Variants in TRMT2B observed in about 807,000 individuals in gnomAD.
The protein encoded by TRMT2B is tRNA (uracil-5-)-methyltransferase homolog B.
In TRMT2B, 34 loss-of-function variants were observed where a neutral mutation model predicts 39.7. The ratio of observed to expected loss-of-function variants is 0.86; its 90% CI spans 0.65 to 1.14. The LOEUF is 1.14. TRMT2B is among the 50% of genes most tolerant of loss of function. The pLI is 0.00. For missense variants in TRMT2B, 318 were observed against 377.2 expected (o/e 0.84, Z 1.30); for synonymous variants, 132 against 137.3 (o/e 0.96, Z 0.27).
At chrX:100,985,286 C>T in the TRMT2B span, among the ~76,000 whole-genome samples, 4 of 111,050 alleles carry the variant, frequency 3.6e-5, no homozygotes, top group Non-Finnish European at 5.7e-5. Flanking sequence ...CAGGTTACAG[C>T]GCTAGGAGAT....
the TRMT2B span, chrX:100,990,501 C>T: frequency 2.8e-6 from 3 of 1,065,113 alleles, no homozygotes; most frequent in Non-Finnish European, 2.4e-6. Context: ...CCATACAACT[C>T]CACCTACTCT....
At chrX:100,988,971 G>A in the TRMT2B span, among the ~76,000 whole-genome samples, 15 of 105,840 alleles carry the variant, frequency 1.4e-4, no homozygotes, top group African/African-American at 4.9e-4. Context: ...CCCAAAAAAC[G>A]ATGCTCAAGG....
the TRMT2B span, among the ~76,000 whole-genome samples, chrX:100,987,723 C>T: frequency 8.9e-6 from 1 of 111,833 alleles, no homozygotes; most frequent in South Asian, 3.8e-4. Context: ...AACACTCCAA[C>T]ATTGTTAGGT....
At chrX:101,041,984 TCA>T (rs2088263180) in intron 3 of TRMT2B, 56 bp downstream of exon 3, 2 of 1,168,272 alleles carry the variant, frequency 1.7e-6, no homozygotes, top group South Asian at 1.9e-5. Flanking sequence ...ATACAGAATT[TCA>T]GCAGATGTAC....
intron 5 of TRMT2B, 23 bp from the exon 6 acceptor site, chrX:101,037,096 A>T: frequency 9.0e-7 from 1 of 1,108,389 alleles, no homozygotes; most frequent in Non-Finnish European, 1.2e-6. Flanking sequence ...GAAGGACAGG[A>T]GGGGGATGAG....
rs909862543 is a variant in TRMT2B at position 101,023,453 on chromosome X, C to T, written c.756+17G>A. 8.3e-7 allele frequency: 1 copy of T among 1,202,370 alleles called. No homozygotes were observed. The highest frequency in any genetic ancestry group is 1.7e-5 in the African/African-American group (1 of 57,693). On this transcript the variant is annotated intron_variant, in intron 8 of 13. Coordinates refer to ENST00000372936, the MANE Select transcript of TRMT2B (RefSeq NM_024917.6). ...AGTAGTAAAAGTTAAGGTTGCTTAA[C>T]ATCTTGTGAGGCTCACCTGACTTAA...
chrX:100,997,843 A>C, the TRMT2B span, among the ~76,000 whole-genome samples: 1 of 112,204 alleles, frequency 8.9e-6, no homozygotes, highest in Non-Finnish European at 1.9e-5. Flanking sequence ...CCGTATATAA[A>C]TTTTTACTAA....
At chrX:100,997,793 GCCTT>G in the TRMT2B span, among the ~76,000 whole-genome samples, 1 of 112,256 alleles carries the variant, frequency 8.9e-6, no homozygotes, top group Non-Finnish European at 1.9e-5. Context: ...GAGAGAAATA[GCCTT>G]CCTTGTCTGC....
At chrX:101,028,353 A>G (rs899344588) in intron 7 of TRMT2B, among the ~76,000 whole-genome samples, 3 of 110,033 alleles carry the variant, frequency 2.7e-5, no homozygotes, top group African/African-American at 9.9e-5. Context: ...TCCTGACCTC[A>G]GGTGATCTGC....
chrX:101,008,583 A>G (rs2086144979), downstream of TRMT2B, among the ~76,000 whole-genome samples: 1 of 111,847 alleles, frequency 8.9e-6, no homozygotes, highest in Non-Finnish European at 1.9e-5. Flanking sequence ...AGATCACGCC[A>G]CTGTACTCCA....
the TRMT2B span, among the ~76,000 whole-genome samples, chrX:100,983,477 C>T: frequency 9.1e-6 from 1 of 110,263 alleles, no homozygotes; most frequent in African/African-American, 3.3e-5. Context: ...CTGCTTCAGC[C>T]TCCCGAGTAG....
At chrX:100,988,044 G>A in the TRMT2B span, 1 of 453,960 alleles carries the variant, frequency 2.2e-6, no homozygotes, top group East Asian at 3.8e-5. Flanking sequence ...TCAGAGTTTT[G>A]AGGAGCAAAA....
chrX:101,022,342 C>T lies in TRMT2B; in HGVS notation c.757-280G>A, dbSNP rs373259915. On this transcript the variant is annotated intron_variant, in intron 8 of 13. Coordinates refer to ENST00000372936, the MANE Select transcript of TRMT2B (RefSeq NM_024917.6). ...TGTCTCTACAAGAAATCAAAAAGTC[C>T]GGGAGCGGCGGTTCACACCTGTAAT... Among the ~76,000 whole-genome samples, 238 of 110,376 alleles carry T rather than the reference C, an allele frequency of 2.2e-3. 1 individual carries two copies. The South Asian group carries it at 0.023, about 11-fold the overall frequency.
intron 7 of TRMT2B, among the ~76,000 whole-genome samples, chrX:101,024,481 T>A (rs1178007999): frequency 9.0e-6 from 1 of 111,118 alleles, no homozygotes; most frequent in African/African-American, 3.3e-5. Context: ...GGATTGCTTA[T>A]GTCCAGGAGT....
intron 2 of TRMT2B, among the ~76,000 whole-genome samples, chrX:101,049,966 G>A (rs1677650345): frequency 1.8e-5 from 2 of 111,855 alleles, no homozygotes; most frequent in African/African-American, 6.5e-5. Context: ...TGATCCAGGA[G>A]AGGGGTCCTG....
At chrX:101,021,064 G>A (rs756166696) in intron 10 of TRMT2B, 37 bp downstream of exon 10, 4 of 1,171,813 alleles carry the variant, frequency 3.4e-6, no homozygotes, top group Admixed American at 2.2e-5. Context: ...CTTGGGAGCT[G>A]AGCAGCATGC....
At chrX:101,038,228 C>T (rs1302610797) in intron 4 of TRMT2B, among the ~76,000 whole-genome samples, 177 bp from the exon 5 acceptor site, 1 of 107,486 alleles carries the variant, frequency 9.3e-6, no homozygotes, top group South Asian at 4.2e-4. Context: ...ATTAGAGGGG[C>T]GTGGTTGTGC....
chrX:100,990,933 C>T, the TRMT2B span: 1 of 156,230 alleles, frequency 6.4e-6, no homozygotes, highest in Non-Finnish European at 1.2e-5. Flanking sequence ...TTTGCTGTCC[C>T]TTCAGGAACA....
chrX:101,032,862 C>CAG (rs2087579879), intron 7 of TRMT2B, among the ~76,000 whole-genome samples: 1 of 108,456 alleles, frequency 9.2e-6, no homozygotes, highest in Non-Finnish European at 1.9e-5. Context: ...CCTAGGATGG[C>CAG]AGACTCCAGG....
Sources: gnomAD v4.1 joint callset for allele counts (sites outside exome capture counted in the v4.1 genomes callset) on GRCh38, gnomAD v4.1.1 for gene constraint, MANE v1.5 for transcripts, NCBI Gene and HGNC (gene_info 2026-07-23, HGNC 2026-07-21) for gene names.